UBR3: variants seen among roughly 807,000 people sequenced by gnomAD.
UBR3 encodes E3 ubiquitin-protein ligase UBR3.
UBR3 carries 85 observed loss-of-function variants against 243.2 expected under a neutral mutation model. The observed-to-expected ratio is 0.35, with a 90% CI of 0.29 to 0.42. UBR3 has a LOEUF of 0.42. Ranked by LOEUF, UBR3 falls within the 10% of genes least tolerant of loss-of-function variation. The probability of loss-of-function intolerance (pLI) is 1.00; values close to 1 mark genes in which losing one functional copy is unlikely to be tolerated. For synonymous variants in UBR3, 748 were observed against 799.8 expected (o/e 0.94, Z 1.09); for missense variants, 1,686 against 2,300.8 (o/e 0.73, Z 5.47).
At position 169,940,375 on chromosome 2, in the gene UBR3, G is replaced by C. The variant is rs16857302; in HGVS notation, c.2664-2118G>C. Among the ~76,000 whole-genome samples, 689 of 152,126 alleles carry C rather than the reference G, an allele frequency of 4.5e-3. 5 individuals are homozygous for C. The highest frequency in any genetic ancestry group is 0.016 in the African/African-American group (648 of 41,536). ...TTTTTAATGGCTTCTGAATTTCTAA[G>C]AGCATAGCGCCTTAAAATGTCTGCA... is the stretch of plus-strand genomic sequence containing the variant. On this transcript the variant is annotated intron_variant, in intron 19 of 38. Transcript: ENST00000272793.
rs761285080 is a variant in UBR3 at position 169,942,537 on chromosome 2, A to G, written c.2708A>G (p.Tyr903Cys). ...TTTCCTGGAAATCCCTGGCCTCCAT[A>G]TAAGAAAAGGACATCACTCCATCCT... ...GKFPGNPWPP[Y>C]KKRTSLHPSY... The change falls in exon 20 of 39, where the codon TAT becomes TGT. Residue 903 changes from tyrosine to cysteine, a missense_variant. Around this residue, in one of 8 missense-constraint regions of UBR3, gnomAD observed 346 missense variants for 585.8 expected, o/e 0.59. Coordinates refer to ENST00000272793, the MANE Select transcript of UBR3 (RefSeq NM_172070.4). 11 of 1,550,196 alleles carry G rather than the reference A, an allele frequency of 7.1e-6. No individual in the cohort carries two copies. The Admixed American group carries it at 7.9e-5, about 11-fold the overall frequency.
chr2:170,058,596 A>T (rs1211423341), intron 33 of UBR3, among the ~76,000 whole-genome samples: 1 of 150,600 alleles, frequency 6.6e-6, no homozygotes, highest in Non-Finnish European at 1.5e-5. Flanking sequence ...GCTCACTGCA[A>T]CCTCAAACTC....
intron 6 of UBR3, among the ~76,000 whole-genome samples, chr2:169,893,734 G>A (rs545481960): frequency 6.6e-6 from 1 of 151,998 alleles, no homozygotes; most frequent in South Asian, 2.1e-4. Flanking sequence ...GCTGATTTTC[G>A]TATTTTTTTT....
At position 170,007,174 on chromosome 2, in the gene UBR3, G is replaced by T. The variant is rs753460867; in HGVS notation, c.4214G>T (p.Arg1405Leu). The T allele has an allele frequency of 6.2e-7, 1 of 1,602,692 alleles. No homozygotes were observed. Among genetic ancestry groups the T allele is most frequent in the South Asian group, 1.1e-5 (1 of 89,144 alleles). ...AAGGAAGTGGAGGAGCTGCAGGGAC[G>T]ACCGGGAGCTTTCCCAGTAAGCATC... ...LIKEVEELQG[R>L]PGAFPSETNL... The change falls in exon 28 of 39, where the codon CGA becomes CTA. Residue 1405 changes from arginine to leucine, a missense_variant. By Grantham distance (102) the Arg-to-Leu change is moderately radical (BLOSUM62 -2). Coordinates refer to ENST00000272793, the MANE Select transcript of UBR3 (RefSeq NM_172070.4).
intron 30 of UBR3, among the ~76,000 whole-genome samples, chr2:170,025,290 G>A (rs2090499692): frequency 6.6e-6 from 1 of 152,130 alleles, no homozygotes. Context: ...AATTGAAATA[G>A]ATAGCACAAG....
In UBR3 at chr2:169,827,711, TGCCGGCGGCGAGGACGCGGCG is replaced by T. The variant is rs1394308692; in HGVS notation, c.207_227del (p.Gly70_Ala76del). 25 of 1,224,894 alleles carry T rather than the reference TGCCGGCGGCGAGGACGCGGCG, an allele frequency of 2.0e-5. No homozygotes were observed. The highest frequency in any genetic ancestry group is 2.4e-5 in the Non-Finnish European group (24 of 987,018). The allele number at this position is 1,224,894 out of a possible 1,614,324, so 75.9% of individuals were successfully genotyped here. On this transcript the variant is annotated inframe_deletion, in exon 1 of 39. Transcript: ENST00000272793. ...GCGCCGAGCGGCCGCTGGCCGCGGC[TGCCGGCGGCGAGGACGCGGCG>T]GCGGCCGGAGGCGGGGGCGGTCCGG...
At chr2:169,881,878 G>T (rs60754529) in intron 5 of UBR3, among the ~76,000 whole-genome samples, 121,173 of 129,156 alleles carry the variant, frequency 0.94, 56,935 homozygotes, top group East Asian at 1. Context: ...TATACATATA[G>T]GTATATGTGT....
chr2:169,900,328 C>T (rs1036477915), intron 8 of UBR3, among the ~76,000 whole-genome samples: 1 of 152,166 alleles, frequency 6.6e-6, no homozygotes, highest in Non-Finnish European at 1.5e-5. Context: ...CCTTCACCCA[C>T]TTTTTGATAG....
At chr2:169,830,839 G>A (rs922324472) in intron 1 of UBR3, among the ~76,000 whole-genome samples, 4 of 151,804 alleles carry the variant, frequency 2.6e-5, no homozygotes, top group Non-Finnish European at 5.9e-5. Context: ...AGAACCTGAA[G>A]GTAGGAAATA....
intron 24 of UBR3, among the ~76,000 whole-genome samples, chr2:169,969,611 C>T (rs1370904295): frequency 1.3e-5 from 2 of 148,288 alleles, no homozygotes; most frequent in South Asian, 2.1e-4. Context: ...TTCAGTGGTG[C>T]AATCTCGGCT....
intron 30 of UBR3, among the ~76,000 whole-genome samples, chr2:170,024,353 C>CAAAAAAAAAAAAAAAA (rs10606818): frequency 9.8e-6 from 1 of 101,956 alleles, no homozygotes; most frequent in African/African-American, 4.2e-5. Flanking sequence ...GACTCCATCT[C>CAAAAAAAAAAAAAAAA]AAAAAAAAAA....
chr2:170,019,997 T>A (rs2090347927), intron 30 of UBR3, among the ~76,000 whole-genome samples: 1 of 152,092 alleles, frequency 6.6e-6, no homozygotes, highest in African/African-American at 2.4e-5. Flanking sequence ...ACCAGGCTGG[T>A]CTCAAGTTTT....
At chr2:169,853,461 T>C (rs530600927) in intron 1 of UBR3, among the ~76,000 whole-genome samples, 1 of 152,150 alleles carries the variant, frequency 6.6e-6, no homozygotes, top group South Asian at 2.1e-4. Context: ...TCCTCTTCTT[T>C]TTTTTTTGAG....
At position 169,883,567 on chromosome 2, in the gene UBR3, A is replaced by T. The variant is rs116823124; in HGVS notation, c.1038+4993A>T. 4.6e-3 allele frequency among the ~76,000 whole-genome samples: 703 copies of T among 152,338 alleles called. 3 individuals carry two copies. Among genetic ancestry groups the T allele is most frequent in the African/African-American group, 0.015 (636 of 41,572 alleles). ...ATGTTTTAAAACTTCCACAACCAGG[A>T]TATGACATTAGTCATTCTTTTCCCT... On this transcript the variant is annotated intron_variant, in intron 5 of 38. Transcript: ENST00000272793.
intron 23 of UBR3, among the ~76,000 whole-genome samples, chr2:169,951,448 TCCTGA>T (rs1321585198): frequency 6.6e-6 from 1 of 152,160 alleles, no homozygotes; most frequent in African/African-American, 2.4e-5. Flanking sequence ...GTGTTGGACT[TCCTGA>T]CCTCGAGGAA....
intron 11 of UBR3, among the ~76,000 whole-genome samples, chr2:169,922,402 T>C (rs2085738803): frequency 6.6e-6 from 1 of 152,132 alleles, no homozygotes; most frequent in East Asian, 1.9e-4. Context: ...CTAAGGCGAT[T>C]ATGGTAATGG....
chr2:170,003,349 C>T (rs926774914), intron 27 of UBR3, among the ~76,000 whole-genome samples: 8 of 152,208 alleles, frequency 5.3e-5, no homozygotes, highest in African/African-American at 1.7e-4. Flanking sequence ...CATTCAGGTA[C>T]TCCAGGATCT....
In UBR3 at chr2:169,928,722, A is replaced by G. The variant is rs1231457896; in HGVS notation, c.2425-5A>G. On this transcript the variant is annotated splice_region_variant and splice_polypyrimidine_tract_variant and intron_variant, in intron 17 of 38. Coordinates refer to ENST00000272793, the MANE Select transcript of UBR3 (RefSeq NM_172070.4). ...CTAATATTTTTTTCTTGACATATAT[A>G]TCATATTCCAGAAAATCCTAATCCC... 2.0e-6 allele frequency: 3 copies of G among 1,481,764 alleles called. No individual in the cohort carries two copies. Among genetic ancestry groups the G allele is most frequent in the Non-Finnish European group, 2.7e-6 (3 of 1,098,640 alleles). The allele number at this position is 1,481,764 out of a possible 1,614,324, so 91.8% of individuals were successfully genotyped here.
At chr2:170,035,589 G>A (rs1215102817) in intron 31 of UBR3, among the ~76,000 whole-genome samples, 1 of 151,936 alleles carries the variant, frequency 6.6e-6, no homozygotes, top group East Asian at 1.9e-4. Context: ...CTTGAAGTCA[G>A]GTAGTGTCAG....
Sources: allele counts gnomAD v4.1 joint callset (sites outside exome capture counted in the v4.1 genomes callset), GRCh38; gene constraint gnomAD v4.1.1; regional missense constraint gnomAD v4.1.1; transcripts MANE v1.5; gene names NCBI Gene and HGNC (gene_info 2026-07-23, HGNC 2026-07-21).